Variants in DNAH10 observed in about 807,000 individuals in gnomAD.
DNAH10 encodes axonemal beta dynein heavy chain 10.
DNAH10 carries 348 observed loss-of-function variants against 506.6 expected under a neutral mutation model. The ratio of observed to expected loss-of-function variants is 0.69; its 90% CI spans 0.63 to 0.75. The LOEUF is 0.75. Among genes scored for constraint, DNAH10 ranks in the 30% least tolerant of loss-of-function variants. The pLI, the probability that DNAH10 is intolerant of heterozygous loss-of-function variation, is 0.00. For missense variants in DNAH10, 5,179 were observed against 5,787.1 expected, an observed-to-expected ratio of 0.89 and a Z score of 3.41; for synonymous variants, 2,059 against 2,198.6, an observed-to-expected ratio of 0.94 and a Z score of 1.78.
Position 123,902,138 on chromosome 12 carries a change from T to C in DNAH10, c.9641-801T>C, listed in dbSNP as rs980989631. On this transcript the variant is annotated intron_variant, in intron 56 of 78. Coordinates refer to ENST00000673944, the MANE Select transcript of DNAH10 (RefSeq NM_001372106.1). The surrounding 1 kb of genome is among the most constrained non-coding windows in gnomAD (Gnocchi z 4.5). ...TGCACCACTCCAGCGTCTGTCTCCA[T>C]TGCCACACGCCCCTCTTCCCTGTGT... Among the ~76,000 whole-genome samples, 3 of 152,172 alleles carry C rather than the reference T, an allele frequency of 2.0e-5. No individual in the cohort carries two copies. Among genetic ancestry groups the C allele is most frequent in the African/African-American group, 4.8e-5 (2 of 41,446 alleles).
In DNAH10 at chr12:123,785,924, G is replaced by A. The variant is rs79726540; in HGVS notation, c.1409G>A (p.Arg470Gln). 1,103 of 1,610,352 alleles carry A rather than the reference G, an allele frequency of 6.8e-4. 15 individuals carry two copies. In the African/African-American group the frequency reaches 0.013, roughly 19 times the overall value. The change falls in exon 9 of 79, where the codon CGG becomes CAG. Residue 470 changes from arginine (R) to glutamine (Q), a missense_variant. Arg to Gln is a conservative substitution (Grantham distance 43). Coordinates refer to ENST00000673944, the MANE Select transcript of DNAH10 (RefSeq NM_001372106.1). The surrounding 1 kb of genome is among the most constrained non-coding windows in gnomAD (Gnocchi z 4.1). ...AGAGTCTGCCGAGTGGTCAACCTGC[G>A]GACTTTGTTCAAGTAAGAAGCCATG... ...AERVCRVVNL[R>Q]TLFKENRASA...
chr12:123,780,775 C>A (rs1161485998), intron 5 of DNAH10, among the ~76,000 whole-genome samples: 1 of 150,688 alleles, frequency 6.6e-6, no homozygotes, highest in African/African-American at 2.4e-5. Flanking sequence ...ATGGTGAATC[C>A]CCATCTCTAC....
chr12:123,919,080 TTTC>T lies in DNAH10; in HGVS notation c.11506+134_11506+136del. 8.1e-7 allele frequency: 1 copy of T among 1,235,922 alleles called. No individual in the cohort carries two copies. Among genetic ancestry groups the T allele is most frequent in the Non-Finnish European group, 1.1e-6 (1 of 926,028 alleles). The allele number at this position is 1,235,922 out of a possible 1,614,324, so 76.6% of individuals were successfully genotyped here. A position where few individuals can be genotyped will look rare whatever the true frequency, so the allele number is the denominator to read the frequency against. ...TTTCTTTTTTCTTTCTTTCTTTCTTTTTCTTTTTTTTTTGAGATAGGGTCTTGC... is the reference window on the plus strand; with the variant it reads ...TTTCTTTTTTCTTTCTTTCTTTCTTTTTTTTTTTTTGAGATAGGGTCTTGC... On this transcript the variant is annotated intron_variant, in intron 65 of 78. Coordinates refer to ENST00000673944, the MANE Select transcript of DNAH10 (RefSeq NM_001372106.1). This position sits in a 1 kb window ranked among gnomAD's most constrained non-coding sequence, Gnocchi z 4.9.
chr12:123,765,614 A>G (rs1170674551), intron 1 of DNAH10, among the ~76,000 whole-genome samples: 4 of 149,432 alleles, frequency 2.7e-5, no homozygotes, highest in Non-Finnish European at 4.4e-5. Context: ...ACCTCTATCT[A>G]TACATCTATT....
intron 45 of DNAH10, 60 bp from the exon 46 acceptor site, chr12:123,873,498 G>A (rs1952117320): frequency 3.2e-6 from 5 of 1,538,620 alleles, no homozygotes; most frequent in South Asian, 2.6e-5. Context: ...ATTTGCAAAT[G>A]TTTACTGCTG....
At position 123,914,920 on chromosome 12, in the gene DNAH10, G is replaced by A; in HGVS notation, c.10643G>A (p.Ser3548Asn). Residue 3548 changes from serine to asparagine, a missense_variant, in exon 62 of 79, where the codon AGC (serine) becomes AAC (asparagine). This residue lies in a region of DNAH10 where 4,844 missense variants were observed against 5,430.5 expected (regional missense o/e 0.89). Coordinates refer to ENST00000673944, the MANE Select transcript of DNAH10 (RefSeq NM_001372106.1). ...VQNGILTTRASRFPLCIDPQQ... is the reference protein window; with the variant it reads ...VQNGILTTRANRFPLCIDPQQ... ...AATGGCATCCTCACCACCCGGGCCA[G>A]CCGCTTCCCTCTGTGTATCGACCCC... 1 of 1,613,284 alleles carries A rather than the reference G, an allele frequency of 6.2e-7. No homozygotes were observed. Among genetic ancestry groups the A allele is most frequent in the Non-Finnish European group, 8.5e-7 (1 of 1,179,638 alleles).
chr12:123,796,745 G>A lies in DNAH10; in HGVS notation c.2076G>A (p.Trp692Ter), dbSNP rs779264793. The change falls in exon 13 of 79, where the codon TGG becomes TGA. Residue 692 changes from tryptophan to a stop codon, truncating the protein, a stop_gained. Coordinates refer to ENST00000673944, the MANE Select transcript of DNAH10 (RefSeq NM_001372106.1). LOFTEE classifies it high-confidence loss of function. Reference sequence around the variant, plus strand: ...CTCCAGTAGCAGGTGCAATATACTGGGAACGATCTCTGTTCTTTCGGATTA... The same window carrying A: ...CTCCAGTAGCAGGTGCAATATACTGAGAACGATCTCTGTTCTTTCGGATTA... Reference protein sequence around the residue: ...NHPPVAGAIYWERSLFFRIKH... With the variant: ...NHPPVAGAIY The A allele has an allele frequency of 6.2e-7, 1 of 1,614,044 alleles. No homozygotes were observed. The highest frequency in any genetic ancestry group is 1.1e-5 in the South Asian group (1 of 91,068).
chr12:123,770,475 C>T (rs2135970916), intron 2 of DNAH10, among the ~76,000 whole-genome samples: 1 of 134,242 alleles, frequency 7.4e-6, no homozygotes, highest in Admixed American at 8.6e-5. Flanking sequence ...ACGGCACCTG[C>T]TCGTAAGTGT....
At chr12:123,766,958 T>C (rs1357088010) in intron 1 of DNAH10, among the ~76,000 whole-genome samples, 3 of 150,808 alleles carry the variant, frequency 2.0e-5, no homozygotes, top group East Asian at 3.9e-4. Context: ...CAGGCTGGAG[T>C]GCAGTGGTGT....
intron 65 of DNAH10, among the ~76,000 whole-genome samples, chr12:123,922,317 A>G (rs1394229019): frequency 6.6e-6 from 1 of 152,112 alleles, no homozygotes; most frequent in African/African-American, 2.4e-5. Flanking sequence ...CGGAGGTTGC[A>G]GTGAGCCGAG....
chr12:123,770,202 C>T (rs985041025), intron 2 of DNAH10, among the ~76,000 whole-genome samples: 3 of 151,786 alleles, frequency 2.0e-5, no homozygotes, highest in African/African-American at 7.3e-5. Flanking sequence ...GAGCCAAGAT[C>T]GTGACACTGC....
chr12:123,879,606 G>A (rs1304256115), intron 49 of DNAH10, 28 bp from the exon 50 acceptor site: 1 of 1,613,086 alleles, frequency 6.2e-7, no homozygotes, highest in Non-Finnish European at 8.5e-7. Flanking sequence ...TGTTGAGTTT[G>A]GGTCCTTAAG....
At chr12:123,799,419 G>A (rs767960669) in intron 14 of DNAH10, 48 bp downstream of exon 14, 40 of 1,574,018 alleles carry the variant, frequency 2.5e-5, no homozygotes, top group African/African-American at 1.8e-4. Context: ...AGACGATGGC[G>A]TCTGCCACAT....
intron 51 of DNAH10, among the ~76,000 whole-genome samples, chr12:123,886,313 G>T (rs190968255): frequency 6.6e-6 from 1 of 152,266 alleles, no homozygotes; most frequent in East Asian, 1.9e-4. Context: ...AGTGGCGAGG[G>T]TTGGGTAGTG....
chr12:123,839,349 T>C (rs1950685478), intron 29 of DNAH10, among the ~76,000 whole-genome samples: 1 of 152,232 alleles, frequency 6.6e-6, no homozygotes, highest in Non-Finnish European at 1.5e-5. Context: ...TGCTCTATTC[T>C]GAGTTTCTGT....
At chr12:123,773,168 G>T (rs540438195) in intron 4 of DNAH10, among the ~76,000 whole-genome samples, 1 of 152,364 alleles carries the variant, frequency 6.6e-6, no homozygotes, top group African/African-American at 2.4e-5. Flanking sequence ...GTGCATGTCT[G>T]CACATATTTG....
At position 123,775,459 on chromosome 12, in the gene DNAH10, T is replaced by G. The variant is rs940238252; in HGVS notation, c.621+1195T>G. Among the ~76,000 whole-genome samples, 2 of 152,192 alleles carry G rather than the reference T, an allele frequency of 1.3e-5. 1 individual carries two copies. The highest frequency in any genetic ancestry group is 1.3e-4 in the Admixed American group (2 of 15,276). ...AAAACTCATCAGCAGGCCTTTTTCATGAATGATAAGTTATTAGGGAAATGC... is the reference window on the plus strand; with the variant it reads ...AAAACTCATCAGCAGGCCTTTTTCAGGAATGATAAGTTATTAGGGAAATGC... On this transcript the variant is annotated intron_variant, in intron 5 of 78. Transcript: ENST00000673944.
At chr12:123,930,804 T>G (rs1481018846) in intron 73 of DNAH10, among the ~76,000 whole-genome samples, 3 of 152,176 alleles carry the variant, frequency 2.0e-5, no homozygotes, top group Non-Finnish European at 2.9e-5. Context: ...AAGGGCAGAA[T>G]GGCCACAGTG....
At position 123,785,713 on chromosome 12, in the gene DNAH10, G is replaced by GCCTT; in HGVS notation, c.1231-33_1231-32insCCTT. On this transcript the variant is annotated intron_variant, in intron 8 of 78. Transcript: ENST00000673944. This position sits in a 1 kb window ranked among gnomAD's most constrained non-coding sequence, Gnocchi z 4.1. ...AAACTATTTGGACCCCAAGGCTAAGGGCTCTTGCGTGGCTCTCTCCTCTCT... is the reference window on the plus strand; with the variant it reads ...AAACTATTTGGACCCCAAGGCTAAGGCCTTGCTCTTGCGTGGCTCTCTCCTCTCT... The GCCTT allele has an allele frequency of 6.6e-7, 1 of 1,523,088 alleles. No homozygotes were observed. The highest frequency in any genetic ancestry group is 8.9e-7 in the Non-Finnish European group (1 of 1,124,166). The allele number at this position is 1,523,088 out of a possible 1,614,324, so 94.3% of individuals were successfully genotyped here.
Sources: allele counts gnomAD v4.1 joint callset (sites outside exome capture counted in the v4.1 genomes callset), GRCh38; gene constraint gnomAD v4.1.1; regional missense constraint gnomAD v4.1.1; non-coding constraint Gnocchi (gnomAD v3.1); transcripts MANE v1.5; gene names NCBI Gene and HGNC (gene_info 2026-07-23, HGNC 2026-07-21).